Variants in RARB observed in about 807,000 individuals in gnomAD.
The protein encoded by RARB is HBV-activated protein.
Under a neutral mutation model 51.9 loss-of-function variants are expected in RARB, and 17 were observed. The ratio of observed to expected loss-of-function variants is 0.33; its 90% confidence interval spans 0.22 to 0.49. The LOEUF (loss-of-function observed/expected upper bound fraction) is 0.49. Ranked by LOEUF, RARB falls within the 20% of genes least tolerant of loss-of-function variation. RARB has a pLI of 0.99. For missense variants in RARB, 369 were observed against 550.8 expected (o/e 0.67, Z 3.30); for synonymous variants, 215 against 195.4 (o/e 1.10, Z -0.84).
At chr3:24,958,254 G>GGTTTT (rs1321125356) in intron 2 of RARB, among the ~76,000 whole-genome samples, 8,186 of 66,880 alleles carry the variant, frequency 0.12, 1,201 homozygotes, top group East Asian at 0.23. Context: ...GAGCTGCTCA[G>GGTTTT]GTTTTTTTTT....
chr3:25,161,764 T>C (rs1427190793), intron 4 of RARB, among the ~76,000 whole-genome samples: 1 of 152,220 alleles, frequency 6.6e-6, no homozygotes, highest in African/African-American at 2.4e-5. Flanking sequence ...ATATTTTAAA[T>C]AACAGATGCA....
intron 2 of RARB, among the ~76,000 whole-genome samples, chr3:24,987,234 A>C (rs2125431573): frequency 8.1e-6 from 1 of 122,744 alleles, no homozygotes; most frequent in Non-Finnish European, 1.7e-5. Flanking sequence ...TCTGTATTTC[A>C]AAATCAACAT....
At chr3:25,050,619 T>C (rs111941591) in intron 2 of RARB, among the ~76,000 whole-genome samples, 4 of 152,172 alleles carry the variant, frequency 2.6e-5, no homozygotes, top group African/African-American at 9.7e-5. Flanking sequence ...TTAGCAAGTT[T>C]CTTGTATTTC....
chr3:25,587,679 C>T (rs1701450843), intron 5 of RARB, among the ~76,000 whole-genome samples: 1 of 152,164 alleles, frequency 6.6e-6, no homozygotes, highest in Non-Finnish European at 1.5e-5. Flanking sequence ...CCCATGAGCT[C>T]ATCACAACAG....
intron 3 of RARB, among the ~76,000 whole-genome samples, chr3:25,093,173 G>A (rs928356719): frequency 1.3e-5 from 2 of 152,046 alleles, no homozygotes; most frequent in Non-Finnish European, 2.9e-5. Context: ...GGATAATTAG[G>A]TTTTGGTTAT....
chr3:25,089,918 C>T (rs1290216114), intron 3 of RARB, among the ~76,000 whole-genome samples: 1 of 152,104 alleles, frequency 6.6e-6, no homozygotes, highest in African/African-American at 2.4e-5. Flanking sequence ...TCAAAGTCCC[C>T]ACTGAATGGC....
At chr3:25,307,781 A>G (rs898183246) in intron 5 of RARB, among the ~76,000 whole-genome samples, 1 of 152,208 alleles carries the variant, frequency 6.6e-6, no homozygotes, top group East Asian at 1.9e-4. Context: ...TCCAGCTGGA[A>G]TCTTTCTCAG....
intron 5 of RARB, among the ~76,000 whole-genome samples, chr3:25,222,861 G>T (rs983748528): frequency 3.4e-4 from 52 of 152,148 alleles, no homozygotes; most frequent in Non-Finnish European, 6.8e-4. Context: ...AGGCATTCTT[G>T]TGAAGAGCAA....
At chr3:25,260,243 C>T (rs1702963891) in intron 5 of RARB, among the ~76,000 whole-genome samples, 1 of 152,058 alleles carries the variant, frequency 6.6e-6, no homozygotes, top group Admixed American at 6.6e-5. Context: ...TTTTGCAAGG[C>T]TTTGTTCATA....
At position 24,972,156 on chromosome 3, in the gene RARB, C is replaced by T. The variant is rs372460133; in HGVS notation, c.-379-87969C>T. 3.0e-4 allele frequency among the ~76,000 whole-genome samples: 46 copies of T among 151,974 alleles called. No individual in the cohort carries two copies. The East Asian group carries it at 7.4e-3, about 24-fold the overall frequency. ...TCTTCAGCCTACCTTCCTCCCTACG[C>T]TTTCTGGCCTCTCGTCACCACCAAC... On this transcript the variant is annotated intron_variant, in intron 2 of 11. Coordinates refer to the RARB transcript ENST00000383772.
At chr3:25,033,110 G>C (rs1697909350) in intron 2 of RARB, among the ~76,000 whole-genome samples, 1 of 151,970 alleles carries the variant, frequency 6.6e-6, no homozygotes, top group South Asian at 2.1e-4. Context: ...TTTACTTTTT[G>C]TTTTTAAAAT....
At chr3:24,879,733 T>C (rs1423762896) in intron 2 of RARB, among the ~76,000 whole-genome samples, 3 of 152,170 alleles carry the variant, frequency 2.0e-5, no homozygotes, top group Admixed American at 6.5e-5. Context: ...TTAACTTAAA[T>C]ACTGTAAACC....
chr3:25,028,621 G>T (rs74435462), intron 2 of RARB, among the ~76,000 whole-genome samples: 2,738 of 152,266 alleles, frequency 0.018, 80 homozygotes, highest in African/African-American at 0.063. Flanking sequence ...GGGAAAGGGT[G>T]TTTCTGTGGT....
chr3:24,933,564 T>C (rs1436784636), intron 2 of RARB, among the ~76,000 whole-genome samples: 2 of 152,080 alleles, frequency 1.3e-5, no homozygotes, highest in African/African-American at 4.8e-5. Flanking sequence ...AGTAAGGGCT[T>C]ATGGGCAGAG....
intron 2 of RARB, among the ~76,000 whole-genome samples, chr3:25,470,907 T>A (rs1454368664): frequency 6.6e-6 from 1 of 152,212 alleles, no homozygotes; most frequent in Non-Finnish European, 1.5e-5. Flanking sequence ...ACAGCCTTAT[T>A]ACTAGGGCTT....
chr3:25,151,176 T>C (rs1249673599), intron 4 of RARB, among the ~76,000 whole-genome samples: 3 of 152,224 alleles, frequency 2.0e-5, no homozygotes, highest in Non-Finnish European at 4.4e-5. Flanking sequence ...GTGCCGCATT[T>C]CTGAATTAAA....
chr3:25,205,768 G>A (rs1212447105), intron 5 of RARB, among the ~76,000 whole-genome samples: 1 of 151,406 alleles, frequency 6.6e-6, no homozygotes, highest in African/African-American at 2.4e-5. Flanking sequence ...CTTGAGACGG[G>A]GTCTCACTCT....
At chr3:25,068,486 TA>T (rs1698708206) in intron 3 of RARB, among the ~76,000 whole-genome samples, 1 of 151,076 alleles carries the variant, frequency 6.6e-6, no homozygotes, top group South Asian at 2.1e-4. Context: ...GAGGAATAGA[TA>T]AATTAAATAA....
intron 1 of RARB, among the ~76,000 whole-genome samples, chr3:25,437,966 C>G (rs949984748): frequency 4.6e-5 from 7 of 152,204 alleles, no homozygotes; most frequent in Non-Finnish European, 7.3e-5. Flanking sequence ...CCAAAACTTC[C>G]TGGTCTAACA....
Sources: gnomAD v4.1 joint callset for allele counts (sites outside exome capture counted in the v4.1 genomes callset) on GRCh38, gnomAD v4.1.1 for gene constraint, MANE v1.5 for transcripts, NCBI Gene and HGNC (gene_info 2026-07-23, HGNC 2026-07-21) for gene names.